Variants in OR13G1 observed in about 807,000 individuals in gnomAD.
OR13G1 encodes olfactory receptor family 13 subfamily G member 1, also known as olfactory receptor 13G1.
For missense variants in OR13G1, 369 were observed against 385.7 expected, an observed-to-expected ratio of 0.96 and a Z score of 0.36; for synonymous variants, 128 against 136.2, an observed-to-expected ratio of 0.94 and a Z score of 0.42.
At chr1:247,677,832 C>T (rs1205210443) in intron 1 of OR13G1, among the ~76,000 whole-genome samples, 4 of 152,112 alleles carry the variant, frequency 2.6e-5, no homozygotes, top group East Asian at 1.9e-4. Context: ...GGGCCGGGTG[C>T]GGTGGCTCAC....
At chr1:247,678,357 T>C (rs1659393174) in intron 1 of OR13G1, among the ~76,000 whole-genome samples, 2 of 152,200 alleles carry the variant, frequency 1.3e-5, no homozygotes, top group Admixed American at 1.3e-4. Flanking sequence ...TCAAGTATTT[T>C]CATCTTCATT....
At chr1:247,678,274 TTATACC>T (rs1339897067) in intron 1 of OR13G1, among the ~76,000 whole-genome samples, 2 of 152,228 alleles carry the variant, frequency 1.3e-5, no homozygotes, top group Non-Finnish European at 2.9e-5. Context: ...TAAGCCAATG[TTATACC>T]TATGTCAACT....
chr1:247,678,359 A>G (rs1659393268), intron 1 of OR13G1, among the ~76,000 whole-genome samples: 1 of 152,126 alleles, frequency 6.6e-6, no homozygotes, highest in Non-Finnish European at 1.5e-5. Context: ...AAGTATTTTC[A>G]TCTTCATTGT....
chr1:247,672,832 G>A lies in OR13G1; in HGVS notation c.210C>T (p.Cys70=). Residue 70 remains cysteine, a synonymous_variant, in exon 2 of 2, where the codon TGC becomes TGT. Coordinates refer to ENST00000642119, the MANE Select transcript of OR13G1 (RefSeq NM_001005487.2). ...GCATCTTCGGTATGATGCTTGTTGTGCAGATGATGTCCACAACAGCCAGTG... is the reference window on the plus strand; with the variant it reads ...GCATCTTCGGTATGATGCTTGTTGTACAGATGATGTCCACAACAGCCAGTG... The part of the protein sequence containing the change: ...LLTLAVVDII[C]TTSIIPKMLG... 6.2e-7 allele frequency: 1 copy of A among 1,614,022 alleles called. No individual in the cohort carries two copies. Among genetic ancestry groups the A allele is most frequent in the Non-Finnish European group, 8.5e-7 (1 of 1,179,968 alleles).
At chr1:247,673,373 CATATAT>C in intron 1 of OR13G1, 94 bp from the exon 2 acceptor site, 7 of 234,932 alleles carry the variant, frequency 3.0e-5, no homozygotes, top group South Asian at 7.1e-5. Context: ...TACACACACA[CATATAT>C]ATATATATAC....
chr1:247,672,088 G>A lies in OR13G1; in HGVS notation c.*30C>T. 6.4e-7 allele frequency: 1 copy of A among 1,560,860 alleles called. No homozygotes were observed. Among genetic ancestry groups the A allele is most frequent in the Non-Finnish European group, 8.8e-7 (1 of 1,141,742 alleles). ...AGATGCTCTAGAAGATGGTTCTGGAGTACAGAAGTGATGTTGCATGTTGAA... is the reference window on the plus strand; with the variant it reads ...AGATGCTCTAGAAGATGGTTCTGGAATACAGAAGTGATGTTGCATGTTGAA... On this transcript the variant is annotated 3_prime_UTR_variant, in exon 2 of 2. Transcript: ENST00000642119.
At chr1:247,679,343 A>G (rs1263097417) in intron 1 of OR13G1, among the ~76,000 whole-genome samples, 1 of 152,188 alleles carries the variant, frequency 6.6e-6, no homozygotes, top group Non-Finnish European at 1.5e-5. Flanking sequence ...ACTGTCTTTT[A>G]AACTCCAACT....
At chr1:247,675,807 G>A (rs544943748) in intron 1 of OR13G1, among the ~76,000 whole-genome samples, 1 of 152,174 alleles carries the variant, frequency 6.6e-6, no homozygotes, top group African/African-American at 2.4e-5. Context: ...GCATGCTACT[G>A]TAGGCTCCAA....
intron 1 of OR13G1, 96 bp from the exon 2 acceptor site, chr1:247,673,375 T>C (rs201448357): frequency 0.013 from 198 of 15,086 alleles, no homozygotes; most frequent in Admixed American, 0.019. Context: ...CACACACACA[T>C]ATATATATAT....
chr1:247,674,786 G>A (rs1225505871), intron 1 of OR13G1, among the ~76,000 whole-genome samples: 1 of 152,036 alleles, frequency 6.6e-6, no homozygotes, highest in Non-Finnish European at 1.5e-5. Flanking sequence ...TAAGTGCCAG[G>A]ATTAACACCT....
chr1:247,672,404 A>G lies in OR13G1; in HGVS notation c.638T>C (p.Ile213Thr). ...LAIGDFILTCISYGFIIVAIL... is the reference protein window; with the variant it reads ...LAIGDFILTCTSYGFIIVAIL... ...AGCAACAATGATAAAACCATAGGAGATGCAGGTAAGAATAAAGTCCCCTAT... is the reference window on the plus strand; with the variant it reads ...AGCAACAATGATAAAACCATAGGAGGTGCAGGTAAGAATAAAGTCCCCTAT... Residue 213 changes from isoleucine to threonine, a missense_variant, in exon 2 of 2, where the codon ATC becomes ACC. Physicochemically the swap from Ile to Thr is moderately conservative, Grantham distance 89. Transcript: ENST00000642119. 1 of 1,614,116 alleles carries G rather than the reference A, an allele frequency of 6.2e-7. No homozygotes were observed. The highest frequency in any genetic ancestry group is 8.5e-7 in the Non-Finnish European group (1 of 1,179,984).
chr1:247,674,438 A>G (rs938410304), intron 1 of OR13G1, among the ~76,000 whole-genome samples: 1 of 152,168 alleles, frequency 6.6e-6, no homozygotes. Flanking sequence ...TTGCTCTCTC[A>G]TGCCTTGTAG....
chr1:247,676,978 G>T (rs1053680716), intron 1 of OR13G1, among the ~76,000 whole-genome samples: 10 of 152,170 alleles, frequency 6.6e-5, no homozygotes, highest in Non-Finnish European at 1.5e-4. Context: ...AATAAAACTG[G>T]CCTGGTGTGT....
intron 1 of OR13G1, among the ~76,000 whole-genome samples, chr1:247,679,261 T>C (rs1362958003): frequency 6.6e-6 from 1 of 152,142 alleles, no homozygotes; most frequent in Non-Finnish European, 1.5e-5. Context: ...AAAGGACATA[T>C]TCTAAAACAA....
chr1:247,673,164 G>T lies in OR13G1; in HGVS notation c.-123C>A. 1 of 723,882 alleles carries T rather than the reference G, an allele frequency of 1.4e-6. No individual in the cohort carries two copies. The highest frequency in any genetic ancestry group is 2.6e-5 in the East Asian group (1 of 37,990). The allele number at this position is 723,882 out of a possible 1,614,324, so 44.8% of individuals were successfully genotyped here. ...TACTTAGGGACTTAATTCTTGATTG[G>T]ACACAACTTTGCAGCAGGAATTCCC... is the stretch of plus-strand genomic sequence containing the variant. On this transcript the variant is annotated 5_prime_UTR_variant, in exon 2 of 2. Coordinates refer to ENST00000642119, the MANE Select transcript of OR13G1 (RefSeq NM_001005487.2).
Position 247,672,084 on chromosome 1 carries a change from T to A in OR13G1, c.*34A>T. The A allele has an allele frequency of 6.5e-7, 1 of 1,538,254 alleles. No homozygotes were observed. The highest frequency in any genetic ancestry group is 8.9e-7 in the Non-Finnish European group (1 of 1,126,102). On this transcript the variant is annotated 3_prime_UTR_variant, in exon 2 of 2. Coordinates refer to ENST00000642119, the MANE Select transcript of OR13G1 (RefSeq NM_001005487.2). ...TCTGAGATGCTCTAGAAGATGGTTC[T>A]GGAGTACAGAAGTGATGTTGCATGT...
chr1:247,672,965 A>G lies in OR13G1; in HGVS notation c.77T>C (p.Leu26Pro), dbSNP rs2103155170. 1.2e-6 allele frequency: 2 copies of G among 1,614,054 alleles called. No individual in the cohort carries two copies. Among genetic ancestry groups the G allele is most frequent in the Middle Eastern group, 1.6e-4 (1 of 6,062 alleles). Residue 26 changes from leucine to proline, a missense_variant, in exon 2 of 2, where the codon CTC becomes CCC. Leu to Pro is a moderately conservative substitution (Grantham distance 98, BLOSUM62 -3). Coordinates refer to ENST00000642119, the MANE Select transcript of OR13G1 (RefSeq NM_001005487.2). ...CACAAGATAGACAATGAGAAAAAAG[A>G]GGAAGATAATTCCCTGGAGTTCAGG... ...KKPELQGIIF[L>P]FFLIVYLVAF...
In OR13G1 at chr1:247,673,249, C is replaced by T. The variant is rs1572439012; in HGVS notation, c.-208G>A. The T allele has an allele frequency of 1.9e-6, 1 of 537,848 alleles. No individual in the cohort carries two copies. Among genetic ancestry groups the T allele is most frequent in the African/African-American group, 1.9e-5 (1 of 52,870 alleles). The allele number at this position is 537,848 out of a possible 1,614,324, so 33.3% of individuals were successfully genotyped here. A position where few individuals can be genotyped will look rare whatever the true frequency, so the allele number is the denominator to read the frequency against. On this transcript the variant is annotated 5_prime_UTR_variant, in exon 2 of 2. Transcript: ENST00000642119. Reference sequence around the variant, plus strand: ...CTGTTTTCCAGACTAATCCCATTCTCTGATGTATGTTCCTCCATTGATGAC... The same window carrying T: ...CTGTTTTCCAGACTAATCCCATTCTTTGATGTATGTTCCTCCATTGATGAC...
chr1:247,672,494 G>A lies in OR13G1; in HGVS notation c.548C>T (p.Ala183Val), dbSNP rs777019789. 4.3e-6 allele frequency: 7 copies of A among 1,614,114 alleles called. No homozygotes were observed. The South Asian group carries it at 7.7e-5, about 18-fold the overall frequency. Residue 183 changes from alanine (A) to valine (V), a missense_variant, in exon 2 of 2, where the codon GCT becomes GTT. Ala to Val is a moderately conservative substitution (Grantham distance 64). Transcript: ENST00000642119. ...GATTCTTACAGGGCTACAGGACAAA[G>A]CCAGCAATGGGGGTATCTCACAGAA... ...HFFCEIPPLL[A>V]LSCSPVRINE...
Sources: gnomAD v4.1 joint callset for allele counts (sites outside exome capture counted in the v4.1 genomes callset) on GRCh38, gnomAD v4.1.1 for gene constraint, MANE v1.5 for transcripts, NCBI Gene and HGNC (gene_info 2026-07-23, HGNC 2026-07-21) for gene names.